IL1RAPL1: variants seen among roughly 807,000 people sequenced by gnomAD.
IL1RAPL1 encodes interleukin-1 receptor accessory protein-like 1.
In IL1RAPL1, 3 loss-of-function variants were observed where a neutral mutation model predicts 48.4. That is an observed-to-expected ratio of 0.06 (90% CI 0.03 to 0.16). The LOEUF is 0.16. IL1RAPL1 is among the 10% of genes least tolerant of loss of function. The pLI, the probability that IL1RAPL1 is intolerant of heterozygous loss-of-function variation, is 1.00. For synonymous variants in IL1RAPL1, 185 were observed against 187.7 expected, an observed-to-expected ratio of 0.99 and a Z score of 0.12; for missense variants, 349 against 530.6, an observed-to-expected ratio of 0.66 and a Z score of 3.36.
At chrX:29,608,449 A>G (rs960768943) in intron 5 of IL1RAPL1, among the ~76,000 whole-genome samples, 8 of 96,395 alleles carry the variant, frequency 8.3e-5, no homozygotes, top group African/African-American at 3.2e-4. Flanking sequence ...GGAGAAAGAA[A>G]GGAAGAGGAA....
At chrX:29,560,878 C>T (rs1185455014) in intron 5 of IL1RAPL1, among the ~76,000 whole-genome samples, 3 of 112,043 alleles carry the variant, frequency 2.7e-5, no homozygotes, top group African/African-American at 9.7e-5. Flanking sequence ...GTGTCAGTTA[C>T]TACCAAAATT....
At chrX:28,683,016 T>C in intron 1 of IL1RAPL1, among the ~76,000 whole-genome samples, 1 of 112,245 alleles carries the variant, frequency 8.9e-6, no homozygotes, top group East Asian at 2.8e-4. Context: ...ACAAATCACA[T>C]TTTTTCGAAT....
chrX:29,448,905 G>A (rs1243584483), intron 5 of IL1RAPL1, among the ~76,000 whole-genome samples: 2 of 111,157 alleles, frequency 1.8e-5, no homozygotes, highest in Admixed American at 1.9e-4. Context: ...TCACATGGCG[G>A]AGAAGGAGGA....
chrX:28,840,099 G>A (rs2147291416), intron 2 of IL1RAPL1, among the ~76,000 whole-genome samples: 1 of 110,421 alleles, frequency 9.1e-6, no homozygotes, highest in East Asian at 2.8e-4. Flanking sequence ...TGACTCATGG[G>A]AATAGAATTC....
chrX:29,091,549 G>T (rs1280324869), intron 2 of IL1RAPL1, among the ~76,000 whole-genome samples: 1 of 111,695 alleles, frequency 9.0e-6, no homozygotes, highest in African/African-American at 3.3e-5. Flanking sequence ...TAAAACATTT[G>T]ATTGTGACTG....
In IL1RAPL1 at chrX:29,269,889, C is replaced by G. The variant is rs185249517; in HGVS notation, c.83-13049C>G. On this transcript the variant is annotated intron_variant, in intron 2 of 10. Coordinates refer to ENST00000378993, the MANE Select transcript of IL1RAPL1 (RefSeq NM_014271.4). The stretch of plus-strand genomic sequence containing the variant: ...CAAGACTGTGAACATACCCATCACA[C>G]TAAAAGTTTCCTCATGGCCTTTTGT... Among the ~76,000 whole-genome samples, 413 of 111,376 alleles carry G rather than the reference C, an allele frequency of 3.7e-3. 2 individuals carry two copies. The highest frequency in any genetic ancestry group is 0.014 in the Middle Eastern group (3 of 216).
intron 9 of IL1RAPL1, among the ~76,000 whole-genome samples, chrX:29,942,681 G>A (rs1049235378): frequency 9.2e-6 from 1 of 108,462 alleles, no homozygotes; most frequent in Non-Finnish European, 1.9e-5. Context: ...GTGCAATGGC[G>A]CGATCTCAGC....
At chrX:29,945,242 T>C (rs1242229666) in intron 9 of IL1RAPL1, among the ~76,000 whole-genome samples, 3 of 112,034 alleles carry the variant, frequency 2.7e-5, no homozygotes, top group Non-Finnish European at 5.6e-5. Context: ...CAAAGAATGG[T>C]CTACTCTTCC....
At chrX:29,445,654 T>C (rs1172661091) in intron 5 of IL1RAPL1, among the ~76,000 whole-genome samples, 10 of 112,356 alleles carry the variant, frequency 8.9e-5, no homozygotes, top group Non-Finnish European at 1.9e-4. Context: ...GGAAGTAAAC[T>C]GTAATTGACC....
At chrX:29,606,419 T>C (rs1923894776) in intron 5 of IL1RAPL1, among the ~76,000 whole-genome samples, 1 of 112,127 alleles carries the variant, frequency 8.9e-6, no homozygotes, top group Non-Finnish European at 1.9e-5. Flanking sequence ...TAACAGGTGA[T>C]CTACTTTTTA....
chrX:29,292,041 G>A (rs2068301479), intron 3 of IL1RAPL1, among the ~76,000 whole-genome samples: 1 of 111,529 alleles, frequency 9.0e-6, no homozygotes, highest in African/African-American at 3.3e-5. Flanking sequence ...AGTATGCATT[G>A]TATACCAAAC....
intron 6 of IL1RAPL1, among the ~76,000 whole-genome samples, chrX:29,842,765 G>A (rs1378581384): frequency 2.7e-5 from 3 of 112,179 alleles, no homozygotes; most frequent in Non-Finnish European, 5.6e-5. Flanking sequence ...GGAGACTTCA[G>A]TTTCCTGGAG....
intron 2 of IL1RAPL1, among the ~76,000 whole-genome samples, chrX:28,914,566 C>G (rs990328559): frequency 1.8e-5 from 2 of 111,989 alleles, no homozygotes; most frequent in African/African-American, 6.5e-5. Flanking sequence ...TTCAGACTTT[C>G]ATGTACACTT....
At chrX:29,427,463 A>C (rs1485512582) in intron 5 of IL1RAPL1, among the ~76,000 whole-genome samples, 1 of 111,698 alleles carries the variant, frequency 9.0e-6, no homozygotes, top group African/African-American at 3.3e-5. Context: ...CTCCACAAGA[A>C]CTCAGAAACT....
chrX:29,188,211 C>T (rs1343745912), intron 2 of IL1RAPL1, among the ~76,000 whole-genome samples: 2 of 111,887 alleles, frequency 1.8e-5, no homozygotes, highest in Non-Finnish European at 3.8e-5. Context: ...TAAGCAATCT[C>T]TGCATGTCTC....
intron 8 of IL1RAPL1, among the ~76,000 whole-genome samples, chrX:29,936,990 C>T (rs1301883296): frequency 8.9e-6 from 1 of 111,863 alleles, no homozygotes; most frequent in Non-Finnish European, 1.9e-5. Flanking sequence ...TTAGCCTGTA[C>T]TGGAGCTTTC....
At chrX:29,884,942 C>T (rs1042946252) in intron 6 of IL1RAPL1, among the ~76,000 whole-genome samples, 8 of 111,849 alleles carry the variant, frequency 7.2e-5, no homozygotes, top group Non-Finnish European at 1.5e-4. Flanking sequence ...TGGTATAAGG[C>T]ACTTACCACA....
intron 2 of IL1RAPL1, among the ~76,000 whole-genome samples, chrX:29,163,528 A>G (rs1381510133): frequency 1.8e-5 from 2 of 111,726 alleles, no homozygotes; most frequent in Non-Finnish European, 3.8e-5. Context: ...GTAATTTAGC[A>G]GTAATTTATA....
intron 2 of IL1RAPL1, among the ~76,000 whole-genome samples, chrX:28,925,483 T>A (rs776663497): frequency 8.9e-6 from 1 of 111,738 alleles, no homozygotes; most frequent in East Asian, 2.8e-4. Flanking sequence ...AAGGTGAATT[T>A]ATAATTTACT....
Sources: gnomAD v4.1 joint callset for allele counts (sites outside exome capture counted in the v4.1 genomes callset) on GRCh38, gnomAD v4.1.1 for gene constraint, MANE v1.5 for transcripts, NCBI Gene and HGNC (gene_info 2026-07-23, HGNC 2026-07-21) for gene names.